The following DHX8 variants were observed in gnomAD, a reference collection of about 807,000 sequenced individuals.
DHX8 encodes the protein ATP-dependent RNA helicase DHX8.
A neutral mutation model predicts 140.7 loss-of-function variants in DHX8; 67 were observed. That is an observed-to-expected ratio of 0.48 (90% CI 0.39 to 0.58). The LOEUF (loss-of-function observed/expected upper bound fraction) is 0.58, where lower values mean the gene tolerates loss of function less well. DHX8 is among the 20% of genes least tolerant of loss of function. The probability of loss-of-function intolerance (pLI) is 0.00; values close to 1 mark genes in which losing one functional copy is unlikely to be tolerated. For synonymous variants in DHX8, 533 were observed against 553.2 expected, an observed-to-expected ratio of 0.96 and a Z score of 0.51; for missense variants, 887 against 1,550.7, an observed-to-expected ratio of 0.57 and a Z score of 7.19.
intron 22 of DHX8, 150 bp downstream of exon 22, chr17:43,522,376 G>A (rs1219580158): frequency 2.7e-6 from 2 of 736,872 alleles, no homozygotes; most frequent in Middle Eastern, 4.0e-4. Context: ...ACCTGAATTA[G>A]GCACAATGTA....
chr17:43,527,182 C>T (rs1252146104), downstream of DHX8, among the ~76,000 whole-genome samples: 2 of 152,166 alleles, frequency 1.3e-5, no homozygotes, highest in Non-Finnish European at 2.9e-5. Context: ...AAAACTCAGC[C>T]TCAGGACTCT....
At chr17:43,536,305 A>T in intron 2 of DHX8, 1 of 869,714 alleles carries the variant, frequency 1.1e-6, no homozygotes, top group Admixed American at 2.2e-5. Context: ...CTTGGTCTTT[A>T]AGATCAAACC....
At chr17:43,496,544 G>A (rs1377972881) in intron 9 of DHX8, among the ~76,000 whole-genome samples, 5 of 152,134 alleles carry the variant, frequency 3.3e-5, no homozygotes, top group African/African-American at 9.7e-5. Flanking sequence ...TTGGGAGGCC[G>A]AGGCCAGCAG....
chr17:43,525,880 G>A (rs1360109483), downstream of DHX8: 1 of 985,232 alleles, frequency 1.0e-6, no homozygotes, highest in Non-Finnish European at 1.2e-6. Context: ...CACCTGGGGA[G>A]GGAGGGTTGG....
At chr17:43,502,452 T>C (rs1358144990) in intron 11 of DHX8, among the ~76,000 whole-genome samples, 1 of 152,068 alleles carries the variant, frequency 6.6e-6, no homozygotes, top group Admixed American at 6.6e-5. Context: ...TGAGATGGAG[T>C]CTCACTATGT....
Position 43,506,925 on chromosome 17 carries a change from A to G in DHX8, c.1729-78A>G, listed in dbSNP as rs541182809. 17 of 1,118,132 alleles carry G rather than the reference A, an allele frequency of 1.5e-5. No homozygotes were observed. The African/African-American group carries it at 2.3e-4, about 15-fold the overall frequency. The allele number at this position is 1,118,132 out of a possible 1,614,324, so 69.3% of individuals were successfully genotyped here. A position where few individuals can be genotyped will look rare whatever the true frequency, so the allele number is the denominator to read the frequency against. On this transcript the variant is annotated intron_variant, in intron 12 of 22. Transcript: ENST00000262415. ...CAGAGTAATGTAGATTTTAATGACC[A>G]TATTTATATTCTGTTTAATGACCAT...
At chr17:43,543,690 G>A (rs1003004546) in intron 3 of DHX8, among the ~76,000 whole-genome samples, 1 of 152,198 alleles carries the variant, frequency 6.6e-6, no homozygotes, top group Non-Finnish European at 1.5e-5. Context: ...CTGTAAATTG[G>A]AGCTGGGCAT....
intron 3 of DHX8, among the ~76,000 whole-genome samples, chr17:43,543,276 A>ACTCTCTCT (rs60214474): frequency 0.074 from 10,167 of 138,142 alleles, 513 homozygotes; most frequent in South Asian, 0.14. Context: ...ACACACACAC[A>ACTCTCTCT]CTCTCTCTCT....
chr17:43,507,400 A>T (rs1479376029), intron 13 of DHX8, 103 bp from the exon 14 acceptor site: 2 of 1,201,186 alleles, frequency 1.7e-6, no homozygotes, highest in African/African-American at 1.5e-5. Context: ...TCTTGATCAG[A>T]TTCTTAAGAT....
rs778480595 is a variant in DHX8 at position 43,517,199 on chromosome 17, G to A, written c.2676G>A (p.Gly892=). 1.2e-6 allele frequency: 2 copies of A among 1,613,838 alleles called. No individual in the cohort carries two copies. Among genetic ancestry groups the A allele is most frequent in the Admixed American group, 3.3e-5 (2 of 59,964 alleles). The change falls in exon 18 of 23, where the codon GGG becomes GGA. Residue 892 remains glycine (G), a synonymous_variant. Coordinates refer to ENST00000262415, the MANE Select transcript of DHX8 (RefSeq NM_004941.3). ...CAAAGCAACGAGCTGGCAGAGCTGG[G>A]AGAACAGGCCCAGGGAAGTGTTACA... ...AQAKQRAGRA[G]RTGPGKCYRL... is the part of the protein sequence containing the mutation.
intron 22 of DHX8, 80 bp downstream of exon 22, chr17:43,522,306 G>A: frequency 9.2e-6 from 13 of 1,411,400 alleles, no homozygotes; most frequent in Non-Finnish European, 1.3e-5. Flanking sequence ...TTGTGATTGT[G>A]TCTTCACTAC....
In DHX8 at chr17:43,524,524, C is replaced by T. The variant is rs959459398; in HGVS notation, c.*677C>T. ...CTTGTCTTTCAGCATCAGCACTAGC[C>T]GGGCCGTGCTGGGGGATCACCCGAT... On this transcript the variant is annotated 3_prime_UTR_variant, in exon 23 of 23. Transcript: ENST00000262415. The T allele has an allele frequency of 2.0e-5, 20 of 986,534 alleles. No individual in the cohort carries two copies. The highest frequency in any genetic ancestry group is 2.3e-5 in the Non-Finnish European group (19 of 831,036). 61.1% of individuals were successfully genotyped at this position (986,534 alleles called of 1,614,324 possible).
chr17:43,496,343 A>T (rs541852512), intron 9 of DHX8, 75 bp downstream of exon 9: 61 of 987,288 alleles, frequency 6.2e-5, no homozygotes, highest in Non-Finnish European at 8.7e-5. Flanking sequence ...CTGTAGTTTA[A>T]CCCAGTGGCT....
intron 9 of DHX8, among the ~76,000 whole-genome samples, chr17:43,496,893 A>C (rs1338784962): frequency 6.6e-6 from 1 of 152,186 alleles, no homozygotes; most frequent in African/African-American, 2.4e-5. Context: ...ATTACCTCTG[A>C]GTTGCCCTGG....
chr17:43,526,925 C>T (rs567128240), downstream of DHX8: 14 of 252,648 alleles, frequency 5.5e-5, no homozygotes, highest in South Asian at 6.5e-4. Flanking sequence ...GGGATGGTCT[C>T]AGGTTGGTGC....
chr17:43,486,217 A>T (rs912036927), intron 1 of DHX8, among the ~76,000 whole-genome samples: 18 of 151,686 alleles, frequency 1.2e-4, no homozygotes, highest in Admixed American at 1.2e-3. Flanking sequence ...AAGTACTAAT[A>T]TTGGTTTAAT....
At chr17:43,507,382 A>C (rs1431781140) in intron 13 of DHX8, 121 bp from the exon 14 acceptor site, 3 of 1,117,496 alleles carry the variant, frequency 2.7e-6, no homozygotes, top group Non-Finnish European at 3.8e-6. Flanking sequence ...TGAGGAAATT[A>C]CTGTACATCT....
At chr17:43,511,133 C>T (rs749010983) in intron 16 of DHX8, among the ~76,000 whole-genome samples, 1 of 152,068 alleles carries the variant, frequency 6.6e-6, no homozygotes, top group Admixed American at 6.5e-5. Flanking sequence ...AGTTCAAGAC[C>T]AGCCTGGCTG....
intron 1 of DHX8, among the ~76,000 whole-genome samples, chr17:43,488,624 AG>A (rs1421384638): frequency 6.7e-6 from 1 of 149,512 alleles, no homozygotes; most frequent in African/African-American, 2.4e-5. Flanking sequence ...AAAAAAAAAA[AG>A]AAGAACTAGG....
Sources: gnomAD v4.1 joint callset for allele counts (sites outside exome capture counted in the v4.1 genomes callset) on GRCh38, gnomAD v4.1.1 for gene constraint, MANE v1.5 for transcripts, NCBI Gene and HGNC (gene_info 2026-07-23, HGNC 2026-07-21) for gene names.